Variants in ZNF462 observed in about 807,000 individuals in gnomAD.
The protein encoded by ZNF462 is zinc finger PBX1-interacting protein.
A neutral mutation model predicts 201.9 loss-of-function variants in ZNF462; 10 were observed. The observed-to-expected ratio is 0.05, with a 90% confidence interval of 0.03 to 0.08. The LOEUF (loss-of-function observed/expected upper bound fraction) is 0.08. ZNF462 is among the 10% of genes least tolerant of loss of function. The pLI, the probability that ZNF462 is intolerant of heterozygous loss-of-function variation, is 1.00. For synonymous variants in ZNF462, 1,227 were observed against 1,193.3 expected (o/e 1.03, Z -0.58); for missense variants, 2,523 against 3,168.3 (o/e 0.80, Z 4.89).
chr9:106,862,577 C>T (rs1390081651), upstream of ZNF462, among the ~76,000 whole-genome samples: 1 of 152,048 alleles, frequency 6.6e-6, no homozygotes, highest in African/African-American at 2.4e-5. The surrounding 1 kb of genome is among the most constrained non-coding windows in gnomAD (Gnocchi z 4.2). Flanking sequence ...TCCTCCTCTT[C>T]CTCCCCCTCC....
At chr9:106,971,374 AAAAC>A (rs1479912519) in intron 7 of ZNF462, among the ~76,000 whole-genome samples, 3 of 145,954 alleles carry the variant, frequency 2.1e-5, no homozygotes, top group Non-Finnish European at 4.5e-5. Context: ...TTTAAAAAAA[AAAAC>A]AACAACAACA....
Position 106,972,772 on chromosome 9 carries a change from G to A in ZNF462, c.6695+500G>A, listed in dbSNP as rs1826695151. Among the ~76,000 whole-genome samples, 1 of 152,116 alleles carries A rather than the reference G, an allele frequency of 6.6e-6. No individual in the cohort carries two copies. The highest frequency in any genetic ancestry group is 1.5e-5 in the Non-Finnish European group (1 of 68,028). On this transcript the variant is annotated intron_variant, in intron 8 of 12. Coordinates refer to ENST00000277225, the MANE Select transcript of ZNF462 (RefSeq NM_021224.6). The surrounding 1 kb of genome is among the most constrained non-coding windows in gnomAD (Gnocchi z 4.8). ...CTGGCACTTCCAACACTACACTTGA[G>A]CAATCATAGGGAGATTGCTCCAGTC... is the stretch of plus-strand genomic sequence containing the variant.
chr9:106,925,676 A>G lies in ZNF462; in HGVS notation c.1764A>G (p.Pro588=). 6.2e-7 allele frequency: 1 copy of G among 1,614,132 alleles called. No homozygotes were observed. The highest frequency in any genetic ancestry group is 1.1e-5 in the South Asian group (1 of 91,074). The change falls in exon 3 of 13, where the codon CCA becomes CCG. Residue 588 remains proline, a synonymous_variant. Coordinates refer to ENST00000277225, the MANE Select transcript of ZNF462 (RefSeq NM_021224.6). This position sits in a 1 kb window ranked among gnomAD's most constrained non-coding sequence, Gnocchi z 7.9. ...PQTQPPPTQQ[P]QPPTQAAPLH... Reference sequence around the variant, plus strand: ...CACAGCCACCACCAACGCAGCAGCCACAGCCACCCACACAAGCCGCACCTC... The same window carrying G: ...CACAGCCACCACCAACGCAGCAGCCGCAGCCACCCACACAAGCCGCACCTC...
Position 106,972,178 on chromosome 9 carries a change from G to C in ZNF462, c.6601G>C (p.Gly2201Arg). The change falls in exon 8 of 13, where the codon GGC (glycine) becomes CGC (arginine). Residue 2201 changes from glycine (G) to arginine (R), a missense_variant. By Grantham distance (125) the Gly-to-Arg change is moderately radical. Around this residue, in one of 15 missense-constraint regions of ZNF462, gnomAD observed 228 missense variants for 361.2 expected, o/e 0.63. Coordinates refer to ENST00000277225, the MANE Select transcript of ZNF462 (RefSeq NM_021224.6). The surrounding 1 kb of genome is among the most constrained non-coding windows in gnomAD (Gnocchi z 4.8). Reference sequence around the variant, plus strand: ...CTGCGAATTCTGTGAATTCTCCTCCGGCTACATCCAGAGCATCAGGCGTCA... The same window carrying C: ...CTGCGAATTCTGTGAATTCTCCTCCCGCTACATCCAGAGCATCAGGCGTCA... ...LHCEFCEFSSGYIQSIRRHYR... is the reference protein window; with the variant it reads ...LHCEFCEFSSRYIQSIRRHYR... 1 of 1,614,144 alleles carries C rather than the reference G, an allele frequency of 6.2e-7. No homozygotes were observed. The highest frequency in any genetic ancestry group is 8.5e-7 in the Non-Finnish European group (1 of 1,180,032).
chr9:106,983,483 T>C (rs1827598532), intron 9 of ZNF462, among the ~76,000 whole-genome samples: 1 of 152,156 alleles, frequency 6.6e-6, no homozygotes, highest in Admixed American at 6.5e-5. Flanking sequence ...AGAAATCCCC[T>C]TAGTTTCAAA....
At chr9:106,985,845 C>T (rs533828340) in intron 10 of ZNF462, among the ~76,000 whole-genome samples, 24 of 152,256 alleles carry the variant, frequency 1.6e-4, no homozygotes, top group Admixed American at 1.3e-3. Flanking sequence ...TTAATGGTAA[C>T]TTCTCTGCTT....
Position 106,929,210 on chromosome 9 carries a change from G to C in ZNF462, c.5298G>C (p.Lys1766Asn). ...LSEELRRAVE[K>N]KKCSLCSFQS... ...AGGAACTCCGGCGGGCAGTGGAGAA[G>C]AAAAAGTGCTCCTTGTGCTCTTTCC... Residue 1766 changes from lysine (K) to asparagine (N), a missense_variant, in exon 3 of 13, where the codon AAG becomes AAC. Lys to Asn is a moderately conservative substitution (Grantham distance 94). Coordinates refer to ENST00000277225, the MANE Select transcript of ZNF462 (RefSeq NM_021224.6). The surrounding 1 kb of genome is among the most constrained non-coding windows in gnomAD (Gnocchi z 8.7). 1 of 1,614,178 alleles carries C rather than the reference G, an allele frequency of 6.2e-7. No individual in the cohort carries two copies. The highest frequency in any genetic ancestry group is 8.5e-7 in the Non-Finnish European group (1 of 1,180,020).
At chr9:106,947,141 A>C (rs577260503) in intron 7 of ZNF462, among the ~76,000 whole-genome samples, 140 of 152,274 alleles carry the variant, frequency 9.2e-4, no homozygotes, top group African/African-American at 3.3e-3. Context: ...AGGAAATGAT[A>C]TGTTCCTGCC....
At chr9:106,941,245 G>A (rs1588091588) in intron 7 of ZNF462, among the ~76,000 whole-genome samples, 1 of 152,156 alleles carries the variant, frequency 6.6e-6, no homozygotes, top group East Asian at 1.9e-4. Context: ...GGAAGAATCA[G>A]AAATGAGTAT....
chr9:106,955,974 T>C (rs1016246600), intron 7 of ZNF462, among the ~76,000 whole-genome samples: 2 of 152,112 alleles, frequency 1.3e-5, no homozygotes, highest in Non-Finnish European at 2.9e-5. Flanking sequence ...CTCAAAGTCA[T>C]CCATGAGAGT....
At chr9:106,999,331 T>A (rs1828996830) in intron 10 of ZNF462, among the ~76,000 whole-genome samples, 1 of 152,208 alleles carries the variant, frequency 6.6e-6, no homozygotes, top group Non-Finnish European at 1.5e-5. Context: ...TGGGAACTTT[T>A]ATAAAGTCTA....
chr9:106,936,342 A>C (rs1313708236), intron 6 of ZNF462, among the ~76,000 whole-genome samples: 1 of 152,176 alleles, frequency 6.6e-6, no homozygotes, highest in Non-Finnish European at 1.5e-5. Context: ...ATTGTGTCAC[A>C]TTCCTTGTGC....
At chr9:106,982,103 C>T (rs903476300) in intron 9 of ZNF462, among the ~76,000 whole-genome samples, 2 of 152,178 alleles carry the variant, frequency 1.3e-5, no homozygotes, top group Non-Finnish European at 2.9e-5. Flanking sequence ...GTGGTTCAGC[C>T]TGCATGCCCC....
rs891238853 is a variant in ZNF462, at chr9:106,978,321, G to A, written c.6832+4048G>A. ...TTGCAGAATGTTATTAGACATTTCC[G>A]GGGTCCTGAAGAGAATAGGAAGCAT... On this transcript the variant is annotated intron_variant, in intron 9 of 12. Coordinates refer to ENST00000277225, the MANE Select transcript of ZNF462 (RefSeq NM_021224.6). The surrounding 1 kb of genome is among the most constrained non-coding windows in gnomAD (Gnocchi z 4.1). Among the ~76,000 whole-genome samples the A allele has an allele frequency of 2.6e-5, 4 of 151,534 alleles. No individual in the cohort carries two copies. The highest frequency in any genetic ancestry group is 1.9e-4 in the East Asian group (1 of 5,196).
Position 106,863,172 on chromosome 9 carries a change from G to A in ZNF462, c.-214G>A, listed in dbSNP as rs887844413. ...GGTCATCTGCAGCTGCAGCGAGTCT[G>A]AGGAGCCGAGGAAGGCAGGGAAGAT... On this transcript the variant is annotated 5_prime_UTR_variant, in exon 1 of 13. Coordinates refer to ENST00000277225, the MANE Select transcript of ZNF462 (RefSeq NM_021224.6). 9 of 399,218 alleles carry A rather than the reference G, an allele frequency of 2.3e-5. No homozygotes were observed. The highest frequency in any genetic ancestry group is 1.6e-4 in the African/African-American group (8 of 48,586). The allele number at this position is 399,218 out of a possible 1,614,324, so 24.7% of individuals were successfully genotyped here.
chr9:106,914,246 G>A (rs62568592), intron 1 of ZNF462, among the ~76,000 whole-genome samples: 1 of 138,528 alleles, frequency 7.2e-6, no homozygotes, highest in East Asian at 2.0e-4. Context: ...AAGACAGGTG[G>A]GTTATATGCA....
intron 10 of ZNF462, among the ~76,000 whole-genome samples, chr9:107,001,408 T>G (rs1291979162): frequency 3.3e-5 from 5 of 152,158 alleles, no homozygotes; most frequent in African/African-American, 4.8e-5. Context: ...AATTACATTT[T>G]GGGGGACTGT....
chr9:106,960,533 G>A (rs1024557356), intron 7 of ZNF462, among the ~76,000 whole-genome samples: 16 of 152,024 alleles, frequency 1.1e-4, no homozygotes, highest in African/African-American at 3.1e-4. Flanking sequence ...TGATCTAAAC[G>A]AACAGCAGGA....
At chr9:106,864,455 C>T (rs1827240516) in intron 1 of ZNF462, among the ~76,000 whole-genome samples, 1 of 152,070 alleles carries the variant, frequency 6.6e-6, no homozygotes, top group Non-Finnish European at 1.5e-5. Flanking sequence ...CGCAGCCGCC[C>T]CCCATTGGAG....
Sources: gnomAD v4.1 joint callset for allele counts (sites outside exome capture counted in the v4.1 genomes callset) on GRCh38, gnomAD v4.1.1 for gene constraint, gnomAD v4.1.1 regional missense constraint, Gnocchi (gnomAD v3.1) non-coding constraint, MANE v1.5 for transcripts, NCBI Gene and HGNC (gene_info 2026-07-23, HGNC 2026-07-21) for gene names.